CAB39: variants seen among roughly 807,000 people sequenced by gnomAD.
The protein encoded by CAB39 is calcium-binding protein 39.
CAB39 carries 8 observed loss-of-function variants against 40.0 expected under a neutral mutation model. The observed-to-expected ratio is 0.20, with a 90% CI of 0.12 to 0.36. CAB39 has a LOEUF of 0.36. CAB39 is among the 10% of genes least tolerant of loss of function. The probability of loss-of-function intolerance (pLI) is 1.00; values close to 1 mark genes in which losing one functional copy is unlikely to be tolerated. For missense variants in CAB39, 270 were observed against 401.1 expected, an observed-to-expected ratio of 0.67 and a Z score of 2.79; for synonymous variants, 156 against 141.6, an observed-to-expected ratio of 1.10 and a Z score of -0.72.
chr2:230,766,093 G>T (rs917336871), intron 2 of CAB39, among the ~76,000 whole-genome samples: 1 of 152,086 alleles, frequency 6.6e-6, no homozygotes, highest in African/African-American at 2.4e-5. Context: ...TGCAAATAAC[G>T]AAGAGAGTAC....
In CAB39 at chr2:230,759,875, G is replaced by T. The variant is rs562177640; in HGVS notation, c.-43-84G>T. 6 of 543,246 alleles carry T rather than the reference G, an allele frequency of 1.1e-5. No homozygotes were observed. The African/African-American group carries it at 1.1e-4, about 10-fold the overall frequency. The allele number at this position is 543,246 out of a possible 1,614,324, so 33.7% of individuals were successfully genotyped here. On this transcript the variant is annotated intron_variant, in intron 1 of 8. Transcript: ENST00000258418. ...TGTAAAATGACTTGCCTAAACACGG[G>T]TTTTCTTCCCAGATTAGGATTTAGA...
At chr2:230,780,445 AG>A (rs1041052597) in intron 2 of CAB39, among the ~76,000 whole-genome samples, 1 of 152,212 alleles carries the variant, frequency 6.6e-6, no homozygotes, top group African/African-American at 2.4e-5. Context: ...AATCTAATTC[AG>A]GATCACACGT....
chr2:230,748,802 A>C (rs2124901829), intron 1 of CAB39, among the ~76,000 whole-genome samples: 1 of 110,420 alleles, frequency 9.1e-6, no homozygotes, highest in East Asian at 2.7e-4. Flanking sequence ...GTGAGATTCT[A>C]TTTCCAAAAA....
chr2:230,748,827 AAAAAATATATATATAT>A (rs199640304), intron 1 of CAB39, among the ~76,000 whole-genome samples: 3,927 of 56,464 alleles, frequency 0.07, 353 homozygotes, highest in African/African-American at 0.2. Context: ...AAAAAAAAAA[AAAAAATATATATATAT>A]ATATATATAT....
intron 1 of CAB39, among the ~76,000 whole-genome samples, chr2:230,748,864 A>ATATATG (rs1695035666): frequency 1.6e-5 from 2 of 128,184 alleles, no homozygotes; most frequent in African/African-American, 5.5e-5. Flanking sequence ...ATATATATAT[A>ATATATG]TATAACAAAA....
rs551289045 is a variant in CAB39 at position 230,738,468 on chromosome 2, G to C, written c.-43-21491G>C. On this transcript the variant is annotated intron_variant, in intron 1 of 8. Transcript: ENST00000258418. ...GCCTCATTATTTCATCAGGATCAAG[G>C]CTTCATATGCCAGTTAGTGTGTTGA... 6.6e-5 allele frequency among the ~76,000 whole-genome samples: 10 copies of C among 152,304 alleles called. No homozygotes were observed. In the South Asian group the frequency reaches 2.1e-3, roughly 32 times the overall value.
chr2:230,779,055 GA>G (rs767817862), intron 2 of CAB39: 1 of 151,958 alleles, frequency 6.6e-6, no homozygotes, highest in Non-Finnish European at 1.5e-5. Flanking sequence ...TGAACTTTGG[GA>G]TACTGGTTAC....
intron 3 of CAB39, 113 bp from the exon 4 acceptor site, chr2:230,793,100 G>A: frequency 1.6e-6 from 1 of 623,464 alleles, no homozygotes; most frequent in Non-Finnish European, 2.9e-6. Context: ...GTTAAAGTCA[G>A]ATATTCAGTC....
chr2:230,789,079 C>A (rs1009819961), intron 2 of CAB39, among the ~76,000 whole-genome samples: 4 of 152,142 alleles, frequency 2.6e-5, no homozygotes, highest in African/African-American at 4.8e-5. Context: ...CTTTTTCCCC[C>A]CTAAGTTTCA....
At chr2:230,795,498 C>CT (rs979369665) in intron 4 of CAB39, among the ~76,000 whole-genome samples, 13 of 151,898 alleles carry the variant, frequency 8.6e-5, no homozygotes, top group African/African-American at 9.7e-5. Flanking sequence ...TTAGATCTGG[C>CT]TTTTTTTTAT....
intron 2 of CAB39, among the ~76,000 whole-genome samples, chr2:230,764,787 A>G (rs929184552): frequency 6.6e-5 from 10 of 152,252 alleles, no homozygotes; most frequent in Non-Finnish European, 1.5e-4. Context: ...TCCAATAACA[A>G]AAGCAGTTAG....
intron 2 of CAB39, among the ~76,000 whole-genome samples, chr2:230,766,598 C>T (rs1444901613): frequency 3.9e-5 from 6 of 152,198 alleles, no homozygotes; most frequent in Non-Finnish European, 7.3e-5. Flanking sequence ...TGCAGTGGCA[C>T]GATCATCGCT....
chr2:230,763,045 C>T (rs374938063), intron 2 of CAB39, among the ~76,000 whole-genome samples: 1 of 152,022 alleles, frequency 6.6e-6, no homozygotes. Context: ...TACCCTATTA[C>T]AAATTAAAAC....
chr2:230,818,111 A>T (rs1295622752), intron 8 of CAB39: 1 of 524,682 alleles, frequency 1.9e-6, no homozygotes, highest in Non-Finnish European at 3.3e-6. Flanking sequence ...GTTTGTTCAT[A>T]GAAGAGTGTC....
chr2:230,750,553 C>CT (rs1321664510), intron 1 of CAB39, among the ~76,000 whole-genome samples: 1 of 151,532 alleles, frequency 6.6e-6, no homozygotes, highest in East Asian at 1.9e-4. Context: ...TTAATGGAAC[C>CT]TAAGTTACCA....
At chr2:230,746,923 G>A (rs1694986891) in intron 1 of CAB39, among the ~76,000 whole-genome samples, 1 of 152,198 alleles carries the variant, frequency 6.6e-6, no homozygotes, top group African/African-American at 2.4e-5. Context: ...TTGCTATCAA[G>A]AGGCCTCCAG....
chr2:230,751,628 C>G (rs796702186), intron 1 of CAB39, among the ~76,000 whole-genome samples: 13 of 152,246 alleles, frequency 8.5e-5, no homozygotes, highest in African/African-American at 2.9e-4. Context: ...TGTATATTCT[C>G]TAGCACTTTC....
chr2:230,773,331 T>TGTGTGTGC (rs1695525649), intron 2 of CAB39, among the ~76,000 whole-genome samples: 1 of 151,108 alleles, frequency 6.6e-6, no homozygotes, highest in Non-Finnish European at 1.5e-5. Context: ...TGTGTGTGTG[T>TGTGTGTGC]GTGTGTGTGT....
In CAB39 at chr2:230,819,434, A is replaced by G. The variant is rs1696467846; in HGVS notation, c.*730A>G. 6.5e-6 allele frequency: 1 copy of G among 152,752 alleles called. No individual in the cohort carries two copies. Among genetic ancestry groups the G allele is most frequent in the South Asian group, 2.1e-4 (1 of 4,828 alleles). The allele number at this position is 152,752 out of a possible 1,614,324, so 9.5% of individuals were successfully genotyped here. On this transcript the variant is annotated 3_prime_UTR_variant, in exon 9 of 9. Transcript: ENST00000258418. ...TTAAAACAGTAGAGCTAGCAATGACACCTTGCATTTCATTTCAACACTGCT... is the reference window on the plus strand; with the variant it reads ...TTAAAACAGTAGAGCTAGCAATGACGCCTTGCATTTCATTTCAACACTGCT...
Sources: gnomAD v4.1 joint callset for allele counts (sites outside exome capture counted in the v4.1 genomes callset) on GRCh38, gnomAD v4.1.1 for gene constraint, MANE v1.5 for transcripts, NCBI Gene and HGNC (gene_info 2026-07-23, HGNC 2026-07-21) for gene names.